ITPR1: variants seen among roughly 807,000 people sequenced by gnomAD.
The protein encoded by ITPR1 is inositol 1,4,5-trisphosphate-gated calcium channel ITPR1.
In ITPR1, 96 loss-of-function variants were observed where a neutral mutation model predicts 318.4. The observed-to-expected ratio is 0.30, with a 90% CI of 0.26 to 0.36. The LOEUF is 0.36. ITPR1 is among the 10% of genes least tolerant of loss of function. ITPR1 has a pLI of 1.00. For synonymous variants in ITPR1, 1,312 were observed against 1,289.9 expected, an observed-to-expected ratio of 1.02 and a Z score of -0.37; for missense variants, 2,440 against 3,460.2, an observed-to-expected ratio of 0.71 and a Z score of 7.40.
intron 46 of ITPR1, among the ~76,000 whole-genome samples, chr3:4,774,374 T>G (rs1323528404): frequency 6.6e-6 from 1 of 152,274 alleles, no homozygotes; most frequent in Non-Finnish European, 1.5e-5. Context: ...GAATACTTCA[T>G]AGAAGTGGAA....
rs1412220884 is a variant in ITPR1 at position 4,639,544 on chromosome 3, G to GACAGGGTTTGGACACCTTT, written c.366+79_366+97dup. 19 of 1,128,972 alleles carry GACAGGGTTTGGACACCTTT rather than the reference G, an allele frequency of 1.7e-5. No homozygotes were observed. The African/African-American group carries it at 2.6e-4, about 16-fold the overall frequency. The allele number at this position is 1,128,972 out of a possible 1,614,324, so 69.9% of individuals were successfully genotyped here. On this transcript the variant is annotated intron_variant, in intron 6 of 61. Coordinates refer to ENST00000649015, the MANE Select transcript of ITPR1 (RefSeq NM_001378452.1). ...TGCAGCTGAGGAAACAAACACCTAAGACAGGGTTTGGACACCTTTACAGCA... is the reference window on the plus strand; with the variant it reads ...TGCAGCTGAGGAAACAAACACCTAAGACAGGGTTTGGACACCTTTACAGGGTTTGGACACCTTTACAGCA...
intron 4 of ITPR1, among the ~76,000 whole-genome samples, chr3:4,531,279 G>T (rs146565388): frequency 1.3e-5 from 2 of 152,302 alleles, no homozygotes; most frequent in Non-Finnish European, 2.9e-5. Context: ...TAAAGCTAAC[G>T]CAGGGGTAAC....
chr3:4,745,873 C>A (rs565921317), intron 44 of ITPR1, among the ~76,000 whole-genome samples: 1 of 152,316 alleles, frequency 6.6e-6, no homozygotes, highest in Non-Finnish European at 1.5e-5. Flanking sequence ...GGACTCACCA[C>A]CAGCCAAGGA....
rs570357905 is a variant in ITPR1, at chr3:4,722,986, T to A, written c.5137-2560T>A. Among the ~76,000 whole-genome samples the A allele has an allele frequency of 7.9e-5, 12 of 152,210 alleles. 1 individual carries two copies. The South Asian group carries it at 2.5e-3, about 32-fold the overall frequency. ...CCACATGGTGAAACCATGTCTCTACTAAAAATACAAAATTAGCTGGGTGTG... is the reference window on the plus strand; with the variant it reads ...CCACATGGTGAAACCATGTCTCTACAAAAAATACAAAATTAGCTGGGTGTG... On this transcript the variant is annotated intron_variant, in intron 40 of 61. Transcript: ENST00000649015.
chr3:4,784,523 G>T (rs1324754696), intron 51 of ITPR1, among the ~76,000 whole-genome samples: 1 of 151,538 alleles, frequency 6.6e-6, no homozygotes, highest in Non-Finnish European at 1.5e-5. Context: ...AACCACTGGA[G>T]AGTTTTCCCC....
At chr3:4,743,543 G>A (rs1195804375) in intron 44 of ITPR1, among the ~76,000 whole-genome samples, 2 of 152,214 alleles carry the variant, frequency 1.3e-5, no homozygotes, top group African/African-American at 4.8e-5. Flanking sequence ...GTCCCTCCAG[G>A]TTGGTGATAA....
intron 55 of ITPR1, among the ~76,000 whole-genome samples, chr3:4,810,530 G>A (rs890115258): frequency 6.6e-6 from 1 of 152,198 alleles, no homozygotes; most frequent in African/African-American, 2.4e-5. Context: ...CAATGTTAAC[G>A]TCACTAATGT....
intron 37 of ITPR1, among the ~76,000 whole-genome samples, chr3:4,707,354 G>A (rs908712696): frequency 6.6e-6 from 1 of 152,152 alleles, no homozygotes; most frequent in Non-Finnish European, 1.5e-5. Context: ...TTGCTCACTC[G>A]CATATTTGGC....
At chr3:4,590,744 G>A (rs1438932747) in intron 4 of ITPR1, among the ~76,000 whole-genome samples, 1 of 151,692 alleles carries the variant, frequency 6.6e-6, no homozygotes, top group Non-Finnish European at 1.5e-5. Context: ...TAGGTTTGGG[G>A]GTACATGTGA....
chr3:4,615,043 G>C (rs1342670130), intron 4 of ITPR1, among the ~76,000 whole-genome samples: 3 of 152,212 alleles, frequency 2.0e-5, no homozygotes, highest in African/African-American at 7.2e-5. Context: ...AAGGAGGCTT[G>C]GAATGGGGCC....
intron 34 of ITPR1, among the ~76,000 whole-genome samples, chr3:4,697,890 A>G (rs2094585183): frequency 6.6e-6 from 1 of 152,192 alleles, no homozygotes; most frequent in African/African-American, 2.4e-5. Flanking sequence ...AATTCAATTT[A>G]TAAGGATTTA....
intron 39 of ITPR1, 79 bp from the exon 40 acceptor site, chr3:4,717,283 AAGAGT>A: frequency 1.7e-6 from 2 of 1,156,584 alleles, no homozygotes; most frequent in East Asian, 2.3e-5. Flanking sequence ...CGTCAGCAAT[AAGAGT>A]AAAGTCTATA....
At chr3:4,772,876 G>A (rs1250546646) in intron 46 of ITPR1, among the ~76,000 whole-genome samples, 1 of 152,250 alleles carries the variant, frequency 6.6e-6, no homozygotes, top group South Asian at 2.1e-4. Flanking sequence ...TGAGAGATGG[G>A]AGAGGCTTTC....
At chr3:4,747,582 G>A (rs371219269) in intron 44 of ITPR1, among the ~76,000 whole-genome samples, 5 of 152,312 alleles carry the variant, frequency 3.3e-5, no homozygotes, top group East Asian at 3.9e-4. Context: ...AAGGCAGCTC[G>A]AGTGGTCAGT....
intron 4 of ITPR1, among the ~76,000 whole-genome samples, chr3:4,578,283 T>G (rs2088903740): frequency 6.6e-6 from 1 of 152,180 alleles, no homozygotes; most frequent in South Asian, 2.1e-4. Flanking sequence ...ACTTTTTTTA[T>G]TTTTTGGTTT....
intron 4 of ITPR1, among the ~76,000 whole-genome samples, chr3:4,578,476 T>G (rs1357043887): frequency 6.6e-6 from 1 of 151,884 alleles, no homozygotes; most frequent in Non-Finnish European, 1.5e-5. Context: ...AGTGAGAATT[T>G]TTATTGTGTG....
chr3:4,567,635 T>C (rs1194252519), intron 4 of ITPR1, among the ~76,000 whole-genome samples: 1 of 151,968 alleles, frequency 6.6e-6, no homozygotes, highest in African/African-American at 2.4e-5. Flanking sequence ...AGACGGGGTC[T>C]TACTCTGCCA....
intron 4 of ITPR1, among the ~76,000 whole-genome samples, chr3:4,559,224 G>A (rs947391164): frequency 1.3e-5 from 2 of 151,742 alleles, no homozygotes; most frequent in African/African-American, 4.8e-5. Context: ...CCCCTCTTGT[G>A]TATGGGTGTT....
At chr3:4,640,843 G>T (rs142272701) in intron 6 of ITPR1, among the ~76,000 whole-genome samples, 213 of 152,294 alleles carry the variant, frequency 1.4e-3, no homozygotes, top group African/African-American at 4.8e-3. Context: ...CTACCTGTAG[G>T]TAACTTTCGT....
Sources: gnomAD v4.1 joint callset for allele counts (sites outside exome capture counted in the v4.1 genomes callset) on GRCh38, gnomAD v4.1.1 for gene constraint, MANE v1.5 for transcripts, NCBI Gene and HGNC (gene_info 2026-07-23, HGNC 2026-07-21) for gene names.